The following RORB variants were observed in gnomAD, a reference collection of about 807,000 sequenced individuals.
The protein encoded by RORB is nuclear receptor ROR-beta.
Under a neutral mutation model 59.1 loss-of-function variants are expected in RORB, and 6 were observed. The ratio of observed to expected loss-of-function variants is 0.10; its 90% confidence interval spans 0.06 to 0.20. RORB has a LOEUF of 0.20. RORB is among the 10% of genes least tolerant of loss of function. The pLI is 1.00. For missense variants in RORB, 320 were observed against 560.5 expected (o/e 0.57, Z 4.33); for synonymous variants, 215 against 204.5 (o/e 1.05, Z -0.44).
At chr9:74,547,169 G>A (rs1401207633) in intron 1 of RORB, among the ~76,000 whole-genome samples, 1 of 152,126 alleles carries the variant, frequency 6.6e-6, no homozygotes, top group Non-Finnish European at 1.5e-5. Context: ...GTAGGTTGCT[G>A]GAGAGAATTA....
intron 1 of RORB, among the ~76,000 whole-genome samples, chr9:74,577,910 T>C (rs1259151139): frequency 6.6e-6 from 1 of 152,154 alleles, no homozygotes. Flanking sequence ...TCCTTGAGAC[T>C]GTCTCCACAG....
At chr9:74,543,490 T>G (rs1323372) in intron 1 of RORB, among the ~76,000 whole-genome samples, 148,670 of 152,210 alleles carry the variant, frequency 0.98, 72,717 homozygotes, top group Middle Eastern at 1. Flanking sequence ...CATTTTTTGT[T>G]TGTGCCAGAC....
chr9:74,606,315 T>C (rs1370699835), intron 1 of RORB, among the ~76,000 whole-genome samples: 1 of 152,256 alleles, frequency 6.6e-6, no homozygotes, highest in Non-Finnish European at 1.5e-5. Context: ...TTAAGTAGAC[T>C]AAACTCCTGT....
At chr9:74,514,043 C>T (rs1365719499) in intron 1 of RORB, among the ~76,000 whole-genome samples, 1 of 152,054 alleles carries the variant, frequency 6.6e-6, no homozygotes, top group Non-Finnish European at 1.5e-5. Context: ...ACTTGGGCAA[C>T]AACTATTGCA....
intron 1 of RORB, among the ~76,000 whole-genome samples, chr9:74,518,430 G>C (rs1020631399): frequency 3.3e-5 from 5 of 152,000 alleles, no homozygotes; most frequent in Non-Finnish European, 7.4e-5. Context: ...CTAAGTGCAA[G>C]GAGTATCCAA....
At chr9:74,509,546 A>C (rs1388267334) in intron 1 of RORB, among the ~76,000 whole-genome samples, 1 of 152,038 alleles carries the variant, frequency 6.6e-6, no homozygotes, top group Admixed American at 6.6e-5. Context: ...ATGTGAATGC[A>C]CTCATTTGAC....
chr9:74,599,478 C>T (rs534986168), intron 1 of RORB, among the ~76,000 whole-genome samples: 1 of 152,312 alleles, frequency 6.6e-6, no homozygotes, highest in South Asian at 2.1e-4. Flanking sequence ...CTACTATCTC[C>T]TTTCCTCTGC....
At chr9:74,601,428 T>C (rs1823054383) in intron 1 of RORB, among the ~76,000 whole-genome samples, 1 of 151,106 alleles carries the variant, frequency 6.6e-6, no homozygotes, top group African/African-American at 2.4e-5. Flanking sequence ...TTTTCAATGA[T>C]ATGTTCCCCT....
chr9:74,648,026 T>G (rs1258159983), intron 4 of RORB, among the ~76,000 whole-genome samples: 1 of 152,196 alleles, frequency 6.6e-6, no homozygotes, highest in African/African-American at 2.4e-5. Flanking sequence ...GCTATATATT[T>G]CCTGTGTCCT....
intron 9 of RORB, among the ~76,000 whole-genome samples, chr9:74,675,152 G>A (rs1824415571): frequency 6.6e-6 from 1 of 152,062 alleles, no homozygotes; most frequent in African/African-American, 2.4e-5. Flanking sequence ...AAGAAGTGCA[G>A]GATGGCATTC....
At chr9:74,674,310 T>C (rs891895694) in intron 9 of RORB, among the ~76,000 whole-genome samples, 2 of 152,208 alleles carry the variant, frequency 1.3e-5, no homozygotes, top group Non-Finnish European at 2.9e-5. Flanking sequence ...TTGTTATTCA[T>C]AGACCCCTTG....
intron 3 of RORB, among the ~76,000 whole-genome samples, chr9:74,640,189 G>A (rs2118453397): frequency 6.6e-6 from 1 of 152,230 alleles, no homozygotes; most frequent in Non-Finnish European, 1.5e-5. Context: ...TTCCTACTTA[G>A]GCAGTATCAG....
At chr9:74,615,070 T>C (rs954431547) in intron 1 of RORB, among the ~76,000 whole-genome samples, 1 of 152,202 alleles carries the variant, frequency 6.6e-6, no homozygotes, top group East Asian at 1.9e-4. Context: ...TATTAACTAC[T>C]TCATAGACAA....
chr9:74,504,136 G>T (rs1188781753), intron 1 of RORB, among the ~76,000 whole-genome samples: 2 of 151,910 alleles, frequency 1.3e-5, no homozygotes, highest in Admixed American at 6.6e-5. Flanking sequence ...AGATTTGGTG[G>T]CTCTGTAATA....
intron 1 of RORB, among the ~76,000 whole-genome samples, chr9:74,518,972 T>C (rs1826048125): frequency 6.6e-6 from 1 of 151,984 alleles, no homozygotes; most frequent in South Asian, 2.1e-4. Context: ...ATTAGAACTA[T>C]AGTAAGGTAA....
At chr9:74,530,560 AGGCAAACACCTACGGCTTGT>A (rs1296581470) in intron 1 of RORB, among the ~76,000 whole-genome samples, 3 of 152,030 alleles carry the variant, frequency 2.0e-5, no homozygotes, top group Non-Finnish European at 2.9e-5. Context: ...TCTGCAAATC[AGGCAAACACCTACGGCTTGT>A]GGTTTGTAAT....
chr9:74,650,470 C>T (rs980777231), intron 4 of RORB, among the ~76,000 whole-genome samples: 1 of 152,162 alleles, frequency 6.6e-6, no homozygotes. Context: ...GGTATGCAAC[C>T]AATTTAACAG....
At chr9:74,675,969 A>G (rs1824433609) in intron 9 of RORB, among the ~76,000 whole-genome samples, 1 of 152,212 alleles carries the variant, frequency 6.6e-6, no homozygotes, top group South Asian at 2.1e-4. Flanking sequence ...GGCTTTCTCT[A>G]TTAAAGTCAC....
At chr9:74,663,300 A>T (rs919191827) in intron 6 of RORB, among the ~76,000 whole-genome samples, 4 of 152,212 alleles carry the variant, frequency 2.6e-5, no homozygotes, top group Non-Finnish European at 5.9e-5. Context: ...GTAAAATAAC[A>T]TACATATGTG....
Sources: gnomAD v4.1 joint callset for allele counts (sites outside exome capture counted in the v4.1 genomes callset) on GRCh38, gnomAD v4.1.1 for gene constraint, MANE v1.5 for transcripts, NCBI Gene and HGNC (gene_info 2026-07-23, HGNC 2026-07-21) for gene names.